The following PDE6B variants were observed in gnomAD, a reference collection of about 807,000 sequenced individuals.
PDE6B encodes the protein rod cGMP-specific 3',5'-cyclic phosphodiesterase subunit beta.
In PDE6B, 106 loss-of-function variants were observed where a neutral mutation model predicts 109.0. That is an observed-to-expected ratio of 0.97 (90% CI 0.83 to 1.14). The LOEUF is 1.14. Ranked by LOEUF, PDE6B falls within the 50% of genes most tolerant of loss-of-function variation. The pLI is 0.00. For synonymous variants in PDE6B, 490 were observed against 471.3 expected, an observed-to-expected ratio of 1.04 and a Z score of -0.51; for missense variants, 1,193 against 1,155.6, an observed-to-expected ratio of 1.03 and a Z score of -0.47.
chr4:635,588 C>T (rs539711250), intron 2 of PDE6B, among the ~76,000 whole-genome samples: 63 of 151,688 alleles, frequency 4.2e-4, no homozygotes, highest in African/African-American at 1.2e-3. Context: ...TGCCTGCCCG[C>T]GTGTTCTGTG....
At chr4:643,665 C>T (rs1283182140) in intron 3 of PDE6B, among the ~76,000 whole-genome samples, 1 of 151,958 alleles carries the variant, frequency 6.6e-6, no homozygotes, top group Admixed American at 6.6e-5. Context: ...AGTGATCAGT[C>T]TATTTCATCT....
intron 3 of PDE6B, among the ~76,000 whole-genome samples, chr4:646,611 GTC>G (rs1735213313): frequency 6.6e-6 from 1 of 152,020 alleles, no homozygotes; most frequent in Admixed American, 6.5e-5. Context: ...TTCTGTATTT[GTC>G]TCTCTGCTCC....
chr4:657,562 A>C, intron 10 of PDE6B, 68 bp downstream of exon 10: 1 of 1,503,846 alleles, frequency 6.6e-7, no homozygotes, highest in Non-Finnish European at 9.2e-7. Flanking sequence ...CAGGTCGTCC[A>C]GGGGTCACCC....
At chr4:635,992 T>C (rs1299764437) in intron 3 of PDE6B, 23 bp downstream of exon 3, 2 of 1,434,970 alleles carry the variant, frequency 1.4e-6, no homozygotes, top group Non-Finnish European at 2.0e-6. Flanking sequence ...TGAGCACAGC[T>C]CTGCCCACGA....
At chr4:656,796 A>G in intron 8 of PDE6B, 78 bp from the exon 9 acceptor site, 1 of 1,345,698 alleles carries the variant, frequency 7.4e-7, no homozygotes, top group African/African-American at 1.4e-5. Flanking sequence ...AGAAGACATG[A>G]GGTCACTCTC....
At position 626,160 on chromosome 4, in the gene PDE6B, A is replaced by C; in HGVS notation, c.468+66A>C. ...CTCTTGCACCTGTCCCAGGTGTCTAAGGGTCAGCTCGGATCCTCAGGCCTC... is the reference window on the plus strand; with the variant it reads ...CTCTTGCACCTGTCCCAGGTGTCTACGGGTCAGCTCGGATCCTCAGGCCTC... On this transcript the variant is annotated intron_variant, in intron 1 of 21. Transcript: ENST00000496514. This position sits in a 1 kb window ranked among gnomAD's most constrained non-coding sequence, Gnocchi z 4.6. The C allele has an allele frequency of 1.2e-5, 12 of 1,018,596 alleles. No individual in the cohort carries two copies. The South Asian group carries it at 1.6e-4, about 14-fold the overall frequency. 63.1% of individuals were successfully genotyped at this position (1,018,596 alleles called of 1,614,324 possible). A position where few individuals can be genotyped will look rare whatever the true frequency, so the allele number is the denominator to read the frequency against.
rs1275412177 is a variant in PDE6B at position 660,347 on chromosome 4, TCTC to T, written c.1468-116_1468-114del. On this transcript the variant is annotated intron_variant, in intron 11 of 21. Transcript: ENST00000496514. ...AGGCTGGAGCGCCAGGAATGACACA[TCTC>T]CTCAGAGATGCCTGAGGTGTCTGAG... 8.0e-6 allele frequency: 8 copies of T among 1,006,110 alleles called. No individual in the cohort carries two copies. In the East Asian group the frequency reaches 9.6e-5, roughly 12 times the overall value. The allele number at this position is 1,006,110 out of a possible 1,614,324, so 62.3% of individuals were successfully genotyped here.
Position 665,389 on chromosome 4 carries a change from C to A in PDE6B, c.2268+60C>A. The A allele has an allele frequency of 2.7e-6, 3 of 1,110,372 alleles. No individual in the cohort carries two copies. The highest frequency in any genetic ancestry group is 1.3e-5 in the South Asian group (1 of 78,622). The allele number at this position is 1,110,372 out of a possible 1,614,324, so 68.8% of individuals were successfully genotyped here. On this transcript the variant is annotated intron_variant, in intron 19 of 21. Coordinates refer to ENST00000496514, the MANE Select transcript of PDE6B (RefSeq NM_000283.4). The surrounding 1 kb of genome is among the most constrained non-coding windows in gnomAD (Gnocchi z 4.0). ...ACGGGTGTTAGAGACCCCTCTTGGT[C>A]CTCAGGAGCCTCAGGTCCTGGCTTG...
Position 665,811 on chromosome 4 carries a change from G to T in PDE6B, c.2268+482G>T, listed in dbSNP as rs538132838. On this transcript the variant is annotated intron_variant, in intron 19 of 21. Transcript: ENST00000496514. The surrounding 1 kb of genome is among the most constrained non-coding windows in gnomAD (Gnocchi z 4.0). Reference sequence around the variant, plus strand: ...ATGGGAGAGTCAGGATAGGCGCCAGGAACAGGAGAGGCAGGGCTGCCCCAG... The same window carrying T: ...ATGGGAGAGTCAGGATAGGCGCCAGTAACAGGAGAGGCAGGGCTGCCCCAG... Among the ~76,000 whole-genome samples, 11 of 152,316 alleles carry T rather than the reference G, an allele frequency of 7.2e-5. No individual in the cohort carries two copies. Among genetic ancestry groups the T allele is most frequent in the Admixed American group, 7.2e-4 (11 of 15,302 alleles).
At chr4:656,332 A>G in intron 8 of PDE6B, 40 bp downstream of exon 8, 2 of 1,276,728 alleles carry the variant, frequency 1.6e-6, no homozygotes, top group African/African-American at 1.5e-5. Context: ...ACTTACTTAC[A>G]AAAGAGGAGA....
At chr4:654,050 C>G in intron 4 of PDE6B, 30 bp from the exon 5 acceptor site, 1 of 1,613,412 alleles carries the variant, frequency 6.2e-7, no homozygotes, top group Non-Finnish European at 8.5e-7. Flanking sequence ...CCCGCAGTGA[C>G]CGCCCCACCC....
At chr4:643,031 C>T (rs1451496638) in intron 3 of PDE6B, among the ~76,000 whole-genome samples, 2 of 151,770 alleles carry the variant, frequency 1.3e-5, no homozygotes, top group Non-Finnish European at 2.9e-5. Context: ...ATCTATAAGC[C>T]GGGTGTGGTG....
At position 654,220 on chromosome 4, in the gene PDE6B, G is replaced by A. The variant is rs764761195; in HGVS notation, c.927+66G>A. 28 of 1,417,710 alleles carry A rather than the reference G, an allele frequency of 2.0e-5. No homozygotes were observed. The South Asian group carries it at 3.0e-4, about 15-fold the overall frequency. 87.8% of individuals were successfully genotyped at this position (1,417,710 alleles called of 1,614,324 possible). ...TCTGTTTCCCTGACTCCAACTCCAG[G>A]GCAGGAGAGGGAGGGATAGGGGTGG... On this transcript the variant is annotated intron_variant, in intron 5 of 21. Transcript: ENST00000496514.
rs1203238281 is a variant in PDE6B at position 633,752 on chromosome 4, G to A, written c.469-925G>A. ...GCTGACTCCGGAGCCGTCCACCTGG[G>A]TCACTGCCCCAGGGCACCCTGGCCT... On this transcript the variant is annotated intron_variant, in intron 1 of 21. Coordinates refer to ENST00000496514, the MANE Select transcript of PDE6B (RefSeq NM_000283.4). This position sits in a 1 kb window ranked among gnomAD's most constrained non-coding sequence, Gnocchi z 4.5. Among the ~76,000 whole-genome samples the A allele has an allele frequency of 6.6e-6, 1 of 152,188 alleles. No individual in the cohort carries two copies. The highest frequency in any genetic ancestry group is 1.5e-5 in the Non-Finnish European group (1 of 68,020).
intron 20 of PDE6B, 108 bp from the exon 21 acceptor site, chr4:667,748 C>T: frequency 8.1e-7 from 1 of 1,240,638 alleles, no homozygotes; most frequent in South Asian, 1.2e-5. Flanking sequence ...CTCCCTCCTC[C>T]TGCCAGGCAG....
intron 2 of PDE6B, among the ~76,000 whole-genome samples, chr4:635,104 C>A (rs1168167061): frequency 5.6e-5 from 7 of 125,734 alleles, no homozygotes; most frequent in African/African-American, 2.3e-4. Context: ...TGCCTCCTTA[C>A]CTGCCTGCCC....
intron 3 of PDE6B, among the ~76,000 whole-genome samples, chr4:642,882 T>A (rs951880160): frequency 6.6e-6 from 1 of 152,224 alleles, no homozygotes; most frequent in African/African-American, 2.4e-5. Context: ...CTGCATTGAT[T>A]GATAACATCA....
intron 10 of PDE6B, among the ~76,000 whole-genome samples, chr4:658,164 C>T (rs1231429586): frequency 3.4e-5 from 4 of 119,316 alleles, no homozygotes; most frequent in African/African-American, 1.3e-4. Context: ...CACCAGGGGT[C>T]ATGGCTGTAT....
intron 20 of PDE6B, among the ~76,000 whole-genome samples, 180 bp from the exon 21 acceptor site, chr4:667,676 A>C (rs1444944457): frequency 1.3e-5 from 2 of 152,104 alleles, no homozygotes; most frequent in Non-Finnish European, 2.9e-5. Flanking sequence ...AATGTCACCA[A>C]CACAGCCCCC....
Sources: allele counts gnomAD v4.1 joint callset (sites outside exome capture counted in the v4.1 genomes callset), GRCh38; gene constraint gnomAD v4.1.1; non-coding constraint Gnocchi (gnomAD v3.1); transcripts MANE v1.5; gene names NCBI Gene and HGNC (gene_info 2026-07-23, HGNC 2026-07-21).